TMEM65: variants seen among roughly 807,000 people sequenced by gnomAD.
TMEM65 encodes transmembrane protein 65.
In TMEM65, 22 loss-of-function variants were observed where a neutral mutation model predicts 25.4. The ratio of observed to expected loss-of-function variants is 0.86; its 90% CI spans 0.62 to 1.23. The LOEUF is 1.23. TMEM65 is among the 50% of genes most tolerant of loss of function. The pLI, the probability that TMEM65 is intolerant of heterozygous loss-of-function variation, is 0.00. For missense variants in TMEM65, 262 were observed against 308.2 expected, an observed-to-expected ratio of 0.85 and a Z score of 1.12; for synonymous variants, 132 against 126.2, an observed-to-expected ratio of 1.05 and a Z score of -0.31.
intron 5 of TMEM65, 31 bp downstream of exon 5, chr8:124,322,074 A>T: frequency 6.4e-7 from 1 of 1,557,860 alleles, no homozygotes; most frequent in South Asian, 1.2e-5. Context: ...GCAAGTACAG[A>T]ATATACAAAT....
At chr8:124,339,726 T>A (rs1814563052) in intron 1 of TMEM65, among the ~76,000 whole-genome samples, 1 of 151,952 alleles carries the variant, frequency 6.6e-6, no homozygotes, top group Admixed American at 6.6e-5. Context: ...TTGGATTGGA[T>A]CCAGTTGGAG....
intron 3 of TMEM65, 103 bp from the exon 4 acceptor site, chr8:124,323,478 A>G: frequency 3.7e-6 from 2 of 547,478 alleles, no homozygotes; most frequent in South Asian, 2.7e-5. Context: ...TCAACATGTT[A>G]GTGCTGCAAA....
In TMEM65 at chr8:124,313,098, A is replaced by G. The variant is rs1318723384; in HGVS notation, c.*862T>C. ...GTTCCTATTTTCCACCTTTTTTTAA[A>G]AAAAGCTTTAGTCTCTTAATTTCCA... is the stretch of plus-strand genomic sequence containing the variant. On this transcript the variant is annotated 3_prime_UTR_variant, in exon 7 of 7. Transcript: ENST00000297632. 6.6e-6 allele frequency: 1 copy of G among 151,856 alleles called. No homozygotes were observed. The highest frequency in any genetic ancestry group is 2.4e-5 in the African/African-American group (1 of 41,422). The allele number at this position is 151,856 out of a possible 1,614,324, so 9.4% of individuals were successfully genotyped here. A position where few individuals can be genotyped will look rare whatever the true frequency, so the allele number is the denominator to read the frequency against.
At chr8:124,320,312 G>A in intron 5 of TMEM65, 121 bp from the exon 6 acceptor site, 2 of 589,208 alleles carry the variant, frequency 3.4e-6, no homozygotes, top group Admixed American at 3.7e-5. Flanking sequence ...ACATGCAAAT[G>A]TCCTCATATA....
At chr8:124,341,322 T>C (rs1814581300) in intron 1 of TMEM65, among the ~76,000 whole-genome samples, 1 of 152,022 alleles carries the variant, frequency 6.6e-6, no homozygotes, top group South Asian at 2.1e-4. Flanking sequence ...AGGACGAATC[T>C]TGTAAAAAGA....
intron 1 of TMEM65, among the ~76,000 whole-genome samples, chr8:124,337,054 C>T (rs1232184653): frequency 6.6e-6 from 1 of 151,696 alleles, no homozygotes. Context: ...TATAACCTAC[C>T]AAAACTAGCA....
At chr8:124,371,474 G>A (rs1815010471) in intron 1 of TMEM65, among the ~76,000 whole-genome samples, 1 of 152,350 alleles carries the variant, frequency 6.6e-6, no homozygotes, top group South Asian at 2.1e-4. Flanking sequence ...ACGGGTGCAC[G>A]CTCGCAAGAA....
intron 1 of TMEM65, among the ~76,000 whole-genome samples, chr8:124,343,850 GAT>G (rs1454376259): frequency 6.6e-6 from 1 of 152,186 alleles, no homozygotes; most frequent in Non-Finnish European, 1.5e-5. Context: ...TTGAATGTTA[GAT>G]ATGTCATGTT....
intron 1 of TMEM65, among the ~76,000 whole-genome samples, chr8:124,334,528 G>C (rs1395649779): frequency 1.3e-5 from 2 of 151,956 alleles, no homozygotes; most frequent in Non-Finnish European, 2.9e-5. Flanking sequence ...CATTTTGGGA[G>C]GCCAAGGTGG....
At chr8:124,348,792 T>C (rs1448276843) in intron 1 of TMEM65, among the ~76,000 whole-genome samples, 2 of 152,186 alleles carry the variant, frequency 1.3e-5, no homozygotes, top group Admixed American at 6.5e-5. Context: ...TCACAGAATG[T>C]TGAAGCTGAA....
At chr8:124,315,329 G>GC (rs1814221632) in intron 6 of TMEM65, among the ~76,000 whole-genome samples, 1 of 142,104 alleles carries the variant, frequency 7.0e-6, no homozygotes, top group African/African-American at 2.6e-5. Context: ...TTTTTTGTTT[G>GC]TTTTTTTTTT....
At chr8:124,352,181 T>G (rs1169155096) in intron 1 of TMEM65, among the ~76,000 whole-genome samples, 1 of 152,218 alleles carries the variant, frequency 6.6e-6, no homozygotes, top group Non-Finnish European at 1.5e-5. Context: ...CTTTATACAA[T>G]TACTGAAAGT....
chr8:124,336,382 G>A (rs528707591), intron 1 of TMEM65, among the ~76,000 whole-genome samples: 12 of 151,954 alleles, frequency 7.9e-5, no homozygotes, highest in Admixed American at 3.9e-4. Context: ...TATACAAAAC[G>A]ACACTCAACA....
At chr8:124,364,925 T>G (rs1261410591) in intron 1 of TMEM65, among the ~76,000 whole-genome samples, 1 of 152,194 alleles carries the variant, frequency 6.6e-6, no homozygotes, top group Non-Finnish European at 1.5e-5. Flanking sequence ...AGTTATTTTA[T>G]ACCCAGACAC....
chr8:124,339,223 ATATATATAT>A (rs1362482225), intron 1 of TMEM65, among the ~76,000 whole-genome samples: 52 of 15,704 alleles, frequency 3.3e-3, no homozygotes, highest in Non-Finnish European at 6.6e-3. Context: ...AAAAAAAAAA[ATATATATAT>A]ATATATATAT....
rs1814128490 is a variant in TMEM65, at chr8:124,309,289, G to C, written c.*4671C>G. 6.6e-6 allele frequency: 1 copy of C among 152,118 alleles called. No individual in the cohort carries two copies. Among genetic ancestry groups the C allele is most frequent in the South Asian group, 2.1e-4 (1 of 4,824 alleles). The allele number at this position is 152,118 out of a possible 1,614,324, so 9.4% of individuals were successfully genotyped here. A position where few individuals can be genotyped will look rare whatever the true frequency, so the allele number is the denominator to read the frequency against. ...TGTATTCAGATTTTCAGCAGCACAG[G>C]GGGTTGGTGTCCCTAATCCCTCCAT... On this transcript the variant is annotated 3_prime_UTR_variant, in exon 7 of 7. Coordinates refer to ENST00000297632, the MANE Select transcript of TMEM65 (RefSeq NM_194291.3).
At chr8:124,328,201 C>T (rs1563591576) in intron 2 of TMEM65, among the ~76,000 whole-genome samples, 1 of 151,866 alleles carries the variant, frequency 6.6e-6, no homozygotes, top group Non-Finnish European at 1.5e-5. Flanking sequence ...GTCAAGAGAT[C>T]GAGACCATCC....
At chr8:124,324,711 T>C (rs886297825) in intron 3 of TMEM65, among the ~76,000 whole-genome samples, 5 of 152,052 alleles carry the variant, frequency 3.3e-5, no homozygotes, top group African/African-American at 1.2e-4. Flanking sequence ...TGGTTGAATG[T>C]AACACAGCTG....
At chr8:124,346,056 T>C (rs949973751) in intron 1 of TMEM65, among the ~76,000 whole-genome samples, 1 of 152,128 alleles carries the variant, frequency 6.6e-6, no homozygotes, top group African/African-American at 2.4e-5. Context: ...AGAAAGAAGG[T>C]TTAATTGACT....
Sources: allele counts gnomAD v4.1 joint callset (sites outside exome capture counted in the v4.1 genomes callset), GRCh38; gene constraint gnomAD v4.1.1; transcripts MANE v1.5; gene names NCBI Gene and HGNC (gene_info 2026-07-23, HGNC 2026-07-21).